Variants in AGBL4 observed in about 807,000 individuals in gnomAD.
AGBL4 encodes AGBL carboxypeptidase 4.
Under a neutral mutation model 66.4 loss-of-function variants are expected in AGBL4, and 58 were observed. That is an observed-to-expected ratio of 0.87 (90% CI 0.71 to 1.09). The LOEUF (loss-of-function observed/expected upper bound fraction) is 1.09, where lower values mean the gene tolerates loss of function less well. Among genes scored for constraint, AGBL4 ranks in the 50% least tolerant of loss-of-function variants. The pLI is 0.00. For missense variants in AGBL4, 579 were observed against 631.0 expected (o/e 0.92, Z 0.88); for synonymous variants, 234 against 222.9 (o/e 1.05, Z -0.44).
At chr1:49,318,255 A>C (rs1645073405) in intron 3 of AGBL4, among the ~76,000 whole-genome samples, 1 of 151,976 alleles carries the variant, frequency 6.6e-6, no homozygotes, top group Non-Finnish European at 1.5e-5. Context: ...ACTATAAAAT[A>C]TAATAAAATA....
chr1:48,841,405 C>A (rs992791046), intron 6 of AGBL4, among the ~76,000 whole-genome samples: 5 of 133,982 alleles, frequency 3.7e-5, no homozygotes, highest in African/African-American at 8.9e-5. Flanking sequence ...ACAAAACCCC[C>A]CCCCCCCAAA....
intron 6 of AGBL4, among the ~76,000 whole-genome samples, chr1:48,834,037 TC>T (rs1646620340): frequency 6.6e-6 from 1 of 152,150 alleles, no homozygotes; most frequent in Non-Finnish European, 1.5e-5. Flanking sequence ...AGCCATAATA[TC>T]TAATGGAGTT....
At chr1:48,669,586 C>T (rs1044137996) in intron 6 of AGBL4, among the ~76,000 whole-genome samples, 3 of 152,144 alleles carry the variant, frequency 2.0e-5, no homozygotes, top group Admixed American at 1.3e-4. Context: ...TTCAAACTGG[C>T]CTCATCATTA....
intron 6 of AGBL4, among the ~76,000 whole-genome samples, chr1:48,862,456 G>C (rs1647568011): frequency 6.6e-6 from 1 of 152,106 alleles, no homozygotes; most frequent in Non-Finnish European, 1.5e-5. Flanking sequence ...CGAGTAGATG[G>C]GACTACAGGC....
chr1:49,239,268 A>G (rs1260088290), intron 4 of AGBL4, among the ~76,000 whole-genome samples: 2 of 152,184 alleles, frequency 1.3e-5, no homozygotes, highest in African/African-American at 4.8e-5. Flanking sequence ...TGATAGACCA[A>G]TAGCAATATT....
At position 48,642,463 on chromosome 1, in the gene AGBL4, T is replaced by C. The variant is rs961036207; in HGVS notation, c.840-7859A>G. On this transcript the variant is annotated intron_variant, in intron 8 of 13. Transcript: ENST00000371839. ...TGCTTGGCAGCAACAAACACTGGGT[T>C]CAGGTGGATTTCCAGCATTGCAACT... is the stretch of plus-strand genomic sequence containing the variant. Among the ~76,000 whole-genome samples, 9 of 152,154 alleles carry C rather than the reference T, an allele frequency of 5.9e-5. 1 individual carries two copies. The highest frequency in any genetic ancestry group is 2.2e-4 in the African/African-American group (9 of 41,516).
intron 4 of AGBL4, among the ~76,000 whole-genome samples, chr1:49,204,780 A>T (rs1054865626): frequency 6.6e-5 from 10 of 152,042 alleles, no homozygotes; most frequent in Non-Finnish European, 1.3e-4. Context: ...AGGTCCCTTA[A>T]CTCTGAAACC....
chr1:48,540,143 A>G (rs1644041338), intron 11 of AGBL4, among the ~76,000 whole-genome samples: 1 of 152,238 alleles, frequency 6.6e-6, no homozygotes. Flanking sequence ...CAAGGACAAG[A>G]GACATTTGTT....
At chr1:49,950,193 T>C (rs1008241422) in intron 1 of AGBL4, among the ~76,000 whole-genome samples, 1 of 147,918 alleles carries the variant, frequency 6.8e-6, no homozygotes, top group Admixed American at 6.8e-5. Flanking sequence ...TATACACATA[T>C]GTATATATAT....
chr1:48,563,748 G>A (rs1330621860), intron 11 of AGBL4, among the ~76,000 whole-genome samples: 3 of 152,176 alleles, frequency 2.0e-5, no homozygotes, highest in Admixed American at 6.5e-5. Context: ...CAGTAGCTTT[G>A]GAAAGGTCGG....
chr1:49,650,858 T>C (rs1171245248), intron 3 of AGBL4, among the ~76,000 whole-genome samples: 1 of 152,150 alleles, frequency 6.6e-6, no homozygotes, highest in Non-Finnish European at 1.5e-5. Flanking sequence ...CTATTCACTA[T>C]TGTGGATGTA....
intron 11 of AGBL4, among the ~76,000 whole-genome samples, chr1:48,558,443 A>G (rs1211409834): frequency 6.6e-6 from 1 of 152,176 alleles, no homozygotes; most frequent in Non-Finnish European, 1.5e-5. Flanking sequence ...ACTCAGGAGG[A>G]GCTGACTCCA....
At chr1:49,913,156 A>G (rs1307043521) in intron 1 of AGBL4, among the ~76,000 whole-genome samples, 1 of 152,206 alleles carries the variant, frequency 6.6e-6, no homozygotes, top group Non-Finnish European at 1.5e-5. Flanking sequence ...TCCATGGTCT[A>G]AAGTCTCATA....
intron 11 of AGBL4, among the ~76,000 whole-genome samples, chr1:48,552,173 C>T (rs1296234505): frequency 6.6e-6 from 1 of 152,156 alleles, no homozygotes; most frequent in Admixed American, 6.5e-5. Context: ...AAGTGATTCT[C>T]CTGCCTCAGC....
At chr1:48,987,489 A>C (rs1660270290) in intron 5 of AGBL4, among the ~76,000 whole-genome samples, 1 of 152,048 alleles carries the variant, frequency 6.6e-6, no homozygotes, top group South Asian at 2.1e-4. Context: ...ATATTTATGC[A>C]TCTAATACCA....
intron 2 of AGBL4, among the ~76,000 whole-genome samples, chr1:49,790,116 C>T (rs536738480): frequency 2.0e-4 from 31 of 152,224 alleles, no homozygotes; most frequent in South Asian, 1.5e-3. Context: ...CGGTGGCTCA[C>T]GCCTGTAATC....
At chr1:49,630,580 C>A (rs1487343848) in intron 3 of AGBL4, among the ~76,000 whole-genome samples, 3 of 152,140 alleles carry the variant, frequency 2.0e-5, no homozygotes, top group African/African-American at 7.2e-5. Context: ...AAAGTACACC[C>A]AAGTAAATTA....
chr1:48,776,842 G>C, intron 6 of AGBL4: 3 of 1,492,432 alleles, frequency 2.0e-6, no homozygotes, highest in Admixed American at 2.4e-5. Flanking sequence ...GGTGGGCGCC[G>C]GGGGCGGGCC....
chr1:49,813,168 C>A (rs1645143459), intron 2 of AGBL4, among the ~76,000 whole-genome samples: 2 of 152,088 alleles, frequency 1.3e-5, no homozygotes, highest in South Asian at 2.1e-4. Context: ...TGATAATACA[C>A]AAATAAACTC....
Sources: allele counts gnomAD v4.1 joint callset (sites outside exome capture counted in the v4.1 genomes callset), GRCh38; gene constraint gnomAD v4.1.1; transcripts MANE v1.5; gene names NCBI Gene and HGNC (gene_info 2026-07-23, HGNC 2026-07-21).